Variants in PHACTR2 observed in about 807,000 individuals in gnomAD.
The protein encoded by PHACTR2 is chromosome 6 open reading frame 56.
Under a neutral mutation model 76.0 loss-of-function variants are expected in PHACTR2, and 30 were observed. The ratio of observed to expected loss-of-function variants is 0.39; its 90% CI spans 0.30 to 0.54. The LOEUF (loss-of-function observed/expected upper bound fraction) is 0.54. PHACTR2 is among the 20% of genes least tolerant of loss of function. The pLI is 0.61. For missense variants in PHACTR2, 696 were observed against 781.1 expected (o/e 0.89, Z 1.30); for synonymous variants, 292 against 292.5 (o/e 1.00, Z 0.02).
rs1348193476 is a variant in PHACTR2 at position 143,794,169 on chromosome 6, T to C, written c.1845+5259T>C. Among the ~76,000 whole-genome samples the C allele has an allele frequency of 6.6e-6, 1 of 151,852 alleles. No individual in the cohort carries two copies. Among genetic ancestry groups the C allele is most frequent in the Admixed American group, 6.6e-5 (1 of 15,258 alleles). On this transcript the variant is annotated intron_variant, in intron 11 of 12. Coordinates refer to ENST00000440869, the MANE Select transcript of PHACTR2 (RefSeq NM_001100164.2). The surrounding 1 kb of genome is among the most constrained non-coding windows in gnomAD (Gnocchi z 4.1). The stretch of plus-strand genomic sequence containing the variant: ...TTCCCTCTAGTTGTTAAAAGATAAG[T>C]GTGATGAAATAGTACAATATTATTG...
In PHACTR2 at chr6:143,708,348, C is replaced by T. The variant is rs1402005517; in HGVS notation, c.47-3668C>T. Among the ~76,000 whole-genome samples, 1 of 152,162 alleles carries T rather than the reference C, an allele frequency of 6.6e-6. No homozygotes were observed. The highest frequency in any genetic ancestry group is 2.4e-5 in the African/African-American group (1 of 41,440). On this transcript the variant is annotated intron_variant, in intron 1 of 12. Transcript: ENST00000440869. The surrounding 1 kb of genome is among the most constrained non-coding windows in gnomAD (Gnocchi z 5.5). ...GTCTCTACATTTGATTAGCTAATGA[C>T]TGTATTTCAAAATATGCTGTGTTTT... is the stretch of plus-strand genomic sequence containing the variant.
chr6:143,557,438 A>C lies in PHACTR2; in HGVS notation c.217+20231A>C, dbSNP rs1775194446. 6.6e-6 allele frequency: 1 copy of C among 152,282 alleles called. No homozygotes were observed. Among genetic ancestry groups the C allele is most frequent in the African/African-American group, 2.4e-5 (1 of 41,456 alleles). 9.4% of individuals were successfully genotyped at this position (152,282 alleles called of 1,614,324 possible). ...CCGTAACCCCATTCGTTGCACTCCC[A>C]CATTTGCTGGAACTGGAGCTTTGGG... On this transcript the variant is annotated intron_variant, in intron 1 of 11. Transcript: ENST00000367584. This position sits in a 1 kb window ranked among gnomAD's most constrained non-coding sequence, Gnocchi z 5.5.
intron 9 of PHACTR2, among the ~76,000 whole-genome samples, chr6:143,778,657 G>C (rs1183706515): frequency 6.6e-6 from 1 of 152,104 alleles, no homozygotes; most frequent in Non-Finnish European, 1.5e-5. Context: ...AAACCAAAAA[G>C]GTTCATTGCT....
Position 143,648,841 on chromosome 6 carries a change from T to G in PHACTR2, c.13+40519T>G, listed in dbSNP as rs1776704023. Among the ~76,000 whole-genome samples the G allele has an allele frequency of 6.6e-6, 1 of 151,946 alleles. No individual in the cohort carries two copies. The highest frequency in any genetic ancestry group is 2.4e-5 in the African/African-American group (1 of 41,342). ...ATATCTGTGTGTATACAAGTGTGTG[T>G]CTGTGTATGTGTCCATGTGTGTGTC... On this transcript the variant is annotated intron_variant, in intron 1 of 11. Transcript: ENST00000305766. The surrounding 1 kb of genome is among the most constrained non-coding windows in gnomAD (Gnocchi z 6.7).
chr6:143,785,634 C>T (rs1230037873), intron 10 of PHACTR2, among the ~76,000 whole-genome samples: 1 of 152,228 alleles, frequency 6.6e-6, no homozygotes, highest in African/African-American at 2.4e-5. Flanking sequence ...CAGAGGTTCT[C>T]CATGAGCCCC....
At chr6:143,718,439 A>G (rs563210934) in intron 2 of PHACTR2, among the ~76,000 whole-genome samples, 37 of 152,368 alleles carry the variant, frequency 2.4e-4, no homozygotes, top group Admixed American at 1.0e-3. Context: ...ATGAGGTCCC[A>G]TAGCCAGTAC....
chr6:143,586,244 T>C (rs1775628394), intron 1 of PHACTR2, among the ~76,000 whole-genome samples: 1 of 152,208 alleles, frequency 6.6e-6, no homozygotes, highest in Non-Finnish European at 1.5e-5. Context: ...TTGTAACTAA[T>C]AGTCCTGCTG....
chr6:143,712,705 G>C (rs1778206632), intron 2 of PHACTR2, among the ~76,000 whole-genome samples: 1 of 152,082 alleles, frequency 6.6e-6, no homozygotes, highest in South Asian at 2.1e-4. Flanking sequence ...AAAGATTTTA[G>C]TGGCTATATG....
rs1029556925 is a variant in PHACTR2 at position 143,614,425 on chromosome 6, T to A, written c.13+6103T>A. ...CCTTCATTCACAGTTTCACTTTCCA[T>A]TTTTACCTTATTCTTCCTCTCCGGA... On this transcript the variant is annotated intron_variant, in intron 1 of 11. Coordinates refer to the PHACTR2 transcript ENST00000305766. 1.1e-4 allele frequency among the ~76,000 whole-genome samples: 17 copies of A among 152,302 alleles called. 1 individual carries two copies. In the South Asian group the frequency reaches 3.1e-3, roughly 28 times the overall value.
In PHACTR2 at chr6:143,795,483, A is replaced by G. The variant is rs1160336068; in HGVS notation, c.1845+6573A>G. ...TGTACTTAGAGCACTAGAAACAGAT[A>G]TATGTACAGTAAAATAGAGATGGCC... On this transcript the variant is annotated intron_variant, in intron 11 of 12. Coordinates refer to ENST00000440869, the MANE Select transcript of PHACTR2 (RefSeq NM_001100164.2). This position sits in a 1 kb window ranked among gnomAD's most constrained non-coding sequence, Gnocchi z 4.8. Among the ~76,000 whole-genome samples, 1 of 152,242 alleles carries G rather than the reference A, an allele frequency of 6.6e-6. No homozygotes were observed. Among genetic ancestry groups the G allele is most frequent in the Non-Finnish European group, 1.5e-5 (1 of 68,052 alleles).
chr6:143,746,929 A>G (rs1935496), intron 2 of PHACTR2, among the ~76,000 whole-genome samples: 104,001 of 152,032 alleles, frequency 0.68, 35,756 homozygotes, highest in African/African-American at 0.75. Flanking sequence ...TGGAAGATAC[A>G]GGAAGAATGG....
intron 1 of PHACTR2, among the ~76,000 whole-genome samples, chr6:143,628,328 G>T (rs1310857239): frequency 6.6e-6 from 1 of 152,184 alleles, no homozygotes; most frequent in Admixed American, 6.5e-5. Flanking sequence ...GTGACTGAAG[G>T]CAGCATATAT....
At chr6:143,768,848 C>T (rs1202246352) in intron 6 of PHACTR2, among the ~76,000 whole-genome samples, 1 of 152,140 alleles carries the variant, frequency 6.6e-6, no homozygotes, top group Non-Finnish European at 1.5e-5. Context: ...ATTTTCTTCT[C>T]TGTATATTCT....
In PHACTR2 at chr6:143,774,276, T is replaced by C. The variant is rs1044092731; in HGVS notation, c.1589+61T>C. ...TTGTATTTTTCTCCCTCCCAAAGCTTCCTACCTAACTGGGGTCATTGTGAA... is the reference window on the plus strand; with the variant it reads ...TTGTATTTTTCTCCCTCCCAAAGCTCCCTACCTAACTGGGGTCATTGTGAA... On this transcript the variant is annotated intron_variant, in intron 8 of 12. Transcript: ENST00000440869. This position sits in a 1 kb window ranked among gnomAD's most constrained non-coding sequence, Gnocchi z 5.4. 45 of 1,383,812 alleles carry C rather than the reference T, an allele frequency of 3.3e-5. No homozygotes were observed. The highest frequency in any genetic ancestry group is 4.5e-5 in the Non-Finnish European group (44 of 982,944). 85.7% of individuals were successfully genotyped at this position (1,383,812 alleles called of 1,614,324 possible).
At position 143,619,499 on chromosome 6, in the gene PHACTR2, G is replaced by A. The variant is rs558207391; in HGVS notation, c.13+11177G>A. Among the ~76,000 whole-genome samples the A allele has an allele frequency of 5.4e-4, 83 of 152,302 alleles. 1 individual carries two copies. The highest frequency in any genetic ancestry group is 1.9e-3 in the African/African-American group (79 of 41,554). On this transcript the variant is annotated intron_variant, in intron 1 of 11. Transcript: ENST00000305766. The surrounding 1 kb of genome is among the most constrained non-coding windows in gnomAD (Gnocchi z 4.5). ...CTTGTGCCTTGCACAAAAATGCTCT[G>A]AAATACCCTACTGAAGGGTACACAG...
At chr6:143,630,116 ATAT>A (rs1432793889) in intron 1 of PHACTR2, among the ~76,000 whole-genome samples, 1 of 151,740 alleles carries the variant, frequency 6.6e-6, no homozygotes, top group Non-Finnish European at 1.5e-5. Flanking sequence ...GTCATTCTTA[ATAT>A]TATAAGTCAT....
chr6:143,720,527 A>G (rs1364563744), intron 2 of PHACTR2, among the ~76,000 whole-genome samples: 2 of 152,236 alleles, frequency 1.3e-5, no homozygotes, highest in Non-Finnish European at 2.9e-5. Context: ...TGGTGTGGAC[A>G]CATTGTGATT....
Position 143,721,663 on chromosome 6 carries a change from G to T in PHACTR2, c.214+9480G>T, listed in dbSNP as rs958055394. Among the ~76,000 whole-genome samples the T allele has an allele frequency of 3.3e-5, 5 of 152,228 alleles. No individual in the cohort carries two copies. The South Asian group carries it at 1.0e-3, about 32-fold the overall frequency. The stretch of plus-strand genomic sequence containing the variant: ...TGTGTGTGTGTGTGTGTGTCTGTGT[G>T]TGTGTGTGTGTATCTCCTAATTACA... On this transcript the variant is annotated intron_variant, in intron 2 of 12. Coordinates refer to ENST00000440869, the MANE Select transcript of PHACTR2 (RefSeq NM_001100164.2).
chr6:143,628,258 G>A (rs1466889290), intron 1 of PHACTR2, among the ~76,000 whole-genome samples: 1 of 152,170 alleles, frequency 6.6e-6, no homozygotes, highest in African/African-American at 2.4e-5. Context: ...GAATGTTTGT[G>A]TACATGCATT....
Sources: gnomAD v4.1 joint callset for allele counts (sites outside exome capture counted in the v4.1 genomes callset) on GRCh38, gnomAD v4.1.1 for gene constraint, Gnocchi (gnomAD v3.1) non-coding constraint, MANE v1.5 for transcripts, NCBI Gene and HGNC (gene_info 2026-07-23, HGNC 2026-07-21) for gene names.